The following SLC8A1 variants were observed in gnomAD, a reference collection of about 807,000 sequenced individuals.
The protein encoded by SLC8A1 is solute carrier family 8 member A1.
Under a neutral mutation model 68.3 loss-of-function variants are expected in SLC8A1, and 18 were observed. The observed-to-expected ratio is 0.26, with a 90% CI of 0.18 to 0.39. SLC8A1 has a LOEUF of 0.39. SLC8A1 is among the 10% of genes least tolerant of loss of function. SLC8A1 has a pLI of 1.00. For synonymous variants in SLC8A1, 475 were observed against 415.5 expected, an observed-to-expected ratio of 1.14 and a Z score of -1.74; for missense variants, 985 against 1,156.7, an observed-to-expected ratio of 0.85 and a Z score of 2.15.
chr2:40,449,869 T>G (rs1389276826), intron 1 of SLC8A1, among the ~76,000 whole-genome samples: 1 of 152,176 alleles, frequency 6.6e-6, no homozygotes, highest in Non-Finnish European at 1.5e-5. Flanking sequence ...TTGTTGCTGT[T>G]GTTTTTCTAG....
At chr2:40,215,643 CAAAAAAAAAAAAAA>C (rs56191722) in intron 2 of SLC8A1, among the ~76,000 whole-genome samples, 3 of 69,926 alleles carry the variant, frequency 4.3e-5, no homozygotes, top group African/African-American at 1.1e-4. Flanking sequence ...GACTCCGTCT[CAAAAAAAAAAAAAA>C]AAAAAAAAAA....
chr2:40,143,349 A>T (rs1314000465), intron 6 of SLC8A1, among the ~76,000 whole-genome samples: 2 of 152,152 alleles, frequency 1.3e-5, no homozygotes, highest in African/African-American at 4.8e-5. Context: ...GACAGCAAAA[A>T]TGATGGTAGG....
intron 2 of SLC8A1, among the ~76,000 whole-genome samples, chr2:40,256,309 G>A (rs1234783329): frequency 1.3e-5 from 2 of 152,114 alleles, no homozygotes; most frequent in Non-Finnish European, 2.9e-5. Flanking sequence ...ACGGCTGCCT[G>A]GATTCTAATG....
chr2:40,333,728 G>A (rs2076679499), intron 2 of SLC8A1, among the ~76,000 whole-genome samples: 2 of 151,950 alleles, frequency 1.3e-5, no homozygotes, highest in Non-Finnish European at 2.9e-5. Flanking sequence ...TCCCCTATTA[G>A]TTTGGAGTCA....
At chr2:40,243,599 C>G (rs944950349) in intron 2 of SLC8A1, among the ~76,000 whole-genome samples, 1 of 152,154 alleles carries the variant, frequency 6.6e-6, no homozygotes, top group African/African-American at 2.4e-5. Context: ...ACTAAGAAGT[C>G]TATTCAAATG....
At chr2:40,463,823 CATACACACACACACAT>C (rs1703478392) in intron 1 of SLC8A1, among the ~76,000 whole-genome samples, 1 of 136,998 alleles carries the variant, frequency 7.3e-6, no homozygotes, top group African/African-American at 2.8e-5. Context: ...AGGATATATA[CATACACACACACACAT>C]ACACACACAC....
chr2:40,449,339 A>T (rs1702022695), intron 1 of SLC8A1, among the ~76,000 whole-genome samples: 1 of 152,216 alleles, frequency 6.6e-6, no homozygotes, highest in Non-Finnish European at 1.5e-5. Flanking sequence ...TCAAAGAAAT[A>T]GATTGAATAC....
At chr2:40,467,536 T>C (rs1703762492) in intron 1 of SLC8A1, among the ~76,000 whole-genome samples, 1 of 152,178 alleles carries the variant, frequency 6.6e-6, no homozygotes, top group African/African-American at 2.4e-5. Flanking sequence ...TGTCTCCTTT[T>C]ATGTTCCTTC....
At chr2:40,463,887 C>CAT (rs1553620612) in intron 1 of SLC8A1, among the ~76,000 whole-genome samples, 13,879 of 107,918 alleles carry the variant, frequency 0.13, 1,144 homozygotes, top group East Asian at 0.3. Context: ...CACACACACA[C>CAT]ATATATATAT....
chr2:40,335,705 T>C (rs1418228795), intron 2 of SLC8A1, among the ~76,000 whole-genome samples: 1 of 152,248 alleles, frequency 6.6e-6, no homozygotes, highest in African/African-American at 2.4e-5. Context: ...TGCTACAAAC[T>C]ACATAGATCA....
At chr2:40,338,466 G>C (rs1019398666) in intron 2 of SLC8A1, among the ~76,000 whole-genome samples, 3 of 152,140 alleles carry the variant, frequency 2.0e-5, no homozygotes, top group Admixed American at 6.6e-5. Context: ...CCTGCTGATT[G>C]AAGATTACTC....
At chr2:40,300,805 G>A (rs77302506) in intron 2 of SLC8A1, among the ~76,000 whole-genome samples, 1,851 of 152,184 alleles carry the variant, frequency 0.012, 31 homozygotes, top group African/African-American at 0.042. Context: ...GCTTTATAGG[G>A]TATCTTTTTT....
intron 1 of SLC8A1, among the ~76,000 whole-genome samples, chr2:40,439,823 C>CTT (rs1192845287): frequency 1.3e-5 from 2 of 152,046 alleles, no homozygotes; most frequent in African/African-American, 2.4e-5. Flanking sequence ...TAAAAAGAAA[C>CTT]ATATTTTAAA....
intron 1 of SLC8A1, among the ~76,000 whole-genome samples, chr2:40,439,425 T>G (rs905740529): frequency 1.3e-5 from 2 of 152,126 alleles, no homozygotes; most frequent in East Asian, 3.9e-4. Flanking sequence ...ACAAGTTCTT[T>G]AGGGGGCAGC....
intron 7 of SLC8A1, among the ~76,000 whole-genome samples, chr2:40,132,899 C>G (rs542731047): frequency 6.6e-6 from 1 of 152,308 alleles, no homozygotes; most frequent in African/African-American, 2.4e-5. Context: ...AATGTTCCTT[C>G]TCTGCTCAAA....
chr2:40,421,806 T>G (rs533567782), intron 2 of SLC8A1, among the ~76,000 whole-genome samples: 2 of 152,168 alleles, frequency 1.3e-5, no homozygotes, highest in African/African-American at 4.8e-5. Context: ...CCTGGCTCTA[T>G]AGTGAAACAG....
At chr2:40,238,080 G>C (rs1199457652) in intron 2 of SLC8A1, among the ~76,000 whole-genome samples, 2 of 152,232 alleles carry the variant, frequency 1.3e-5, no homozygotes, top group South Asian at 2.1e-4. Context: ...CCTGCCCCCA[G>C]AGGTGGAGCC....
intron 2 of SLC8A1, among the ~76,000 whole-genome samples, chr2:40,408,216 A>C (rs1250911229): frequency 6.6e-6 from 1 of 152,198 alleles, no homozygotes; most frequent in Non-Finnish European, 1.5e-5. Context: ...TTATGCCAAA[A>C]GTTTCTTCGG....
chr2:40,361,176 A>G (rs1178995685), intron 2 of SLC8A1, among the ~76,000 whole-genome samples: 2 of 152,158 alleles, frequency 1.3e-5, no homozygotes, highest in Non-Finnish European at 2.9e-5. Flanking sequence ...ACCCTTGTTC[A>G]TGAATGGAGT....
Sources: allele counts gnomAD v4.1 joint callset (sites outside exome capture counted in the v4.1 genomes callset), GRCh38; gene constraint gnomAD v4.1.1; transcripts MANE v1.5; gene names NCBI Gene and HGNC (gene_info 2026-07-23, HGNC 2026-07-21).